The following DACH1 variants were observed in gnomAD, a reference collection of about 807,000 sequenced individuals.
DACH1 encodes the protein dachshund homolog 1.
Under a neutral mutation model 54.2 loss-of-function variants are expected in DACH1, and 12 were observed. The observed-to-expected ratio is 0.22, with a 90% CI of 0.14 to 0.36. DACH1 has a LOEUF of 0.36. Among genes scored for constraint, DACH1 ranks in the 10% least tolerant of loss-of-function variants. The pLI is 1.00. For synonymous variants in DACH1, 386 were observed against 366.2 expected, an observed-to-expected ratio of 1.05 and a Z score of -0.62; for missense variants, 805 against 929.8, an observed-to-expected ratio of 0.87 and a Z score of 1.75.
At chr13:71,834,742 G>T (rs1888717846) in intron 1 of DACH1, among the ~76,000 whole-genome samples, 1 of 151,806 alleles carries the variant, frequency 6.6e-6, no homozygotes. Flanking sequence ...TCAAAAATTG[G>T]GACTTTAATA....
At chr13:71,813,771 T>C (rs1887808744) in intron 1 of DACH1, among the ~76,000 whole-genome samples, 1 of 152,222 alleles carries the variant, frequency 6.6e-6, no homozygotes, top group African/African-American at 2.4e-5. Flanking sequence ...CATTTTTCAA[T>C]AATAATGTAA....
chr13:71,842,898 G>A (rs1872974283), intron 1 of DACH1, among the ~76,000 whole-genome samples: 1 of 152,072 alleles, frequency 6.6e-6, no homozygotes, highest in Admixed American at 6.6e-5. Flanking sequence ...TAGAGCACTG[G>A]CTAACAAGGT....
chr13:71,589,138 C>A (rs906768025), intron 3 of DACH1, among the ~76,000 whole-genome samples: 2 of 151,950 alleles, frequency 1.3e-5, no homozygotes, highest in African/African-American at 2.4e-5. Flanking sequence ...TATCATACTT[C>A]TTCAAGAAAG....
intron 10 of DACH1, among the ~76,000 whole-genome samples, chr13:71,444,322 A>G (rs917566524): frequency 6.6e-6 from 1 of 152,118 alleles, no homozygotes; most frequent in Non-Finnish European, 1.5e-5. Context: ...TAATCCCTTA[A>G]TTTATTTATC....
At position 71,633,404 on chromosome 13, in the gene DACH1, G is replaced by A. The variant is rs1383691144; in HGVS notation, c.965-2687C>T. On this transcript the variant is annotated intron_variant, in intron 2 of 10. Coordinates refer to ENST00000613252, the MANE Select transcript of DACH1 (RefSeq NM_080759.6). ...TCACTATAATTTCTGCAGAGTATCT[G>A]TGGCCTGACACAGCCCTCTCAGCTA... Among the ~76,000 whole-genome samples, 4 of 152,136 alleles carry A rather than the reference G, an allele frequency of 2.6e-5. No individual in the cohort carries two copies. In the East Asian group the frequency reaches 7.7e-4, roughly 29 times the overall value.
chr13:71,542,979 TA>T (rs987494467), intron 6 of DACH1, among the ~76,000 whole-genome samples: 2 of 152,064 alleles, frequency 1.3e-5, no homozygotes. Context: ...CACAGCAAAA[TA>T]AAATACATTC....
intron 6 of DACH1, among the ~76,000 whole-genome samples, chr13:71,546,158 A>T (rs144478740): frequency 6.6e-6 from 1 of 152,216 alleles, no homozygotes; most frequent in Admixed American, 6.6e-5. Flanking sequence ...GCTTGCAATA[A>T]AATTTTTTTA....
At chr13:71,506,795 A>G (rs113092997) in intron 6 of DACH1, among the ~76,000 whole-genome samples, 2,180 of 152,148 alleles carry the variant, frequency 0.014, 58 homozygotes, top group African/African-American at 0.05. Flanking sequence ...GAGAAAAACA[A>G]GCAATGGGGA....
intron 1 of DACH1, among the ~76,000 whole-genome samples, chr13:71,714,959 G>T (rs1180026461): frequency 6.6e-6 from 1 of 151,994 alleles, no homozygotes; most frequent in Admixed American, 6.6e-5. Flanking sequence ...TGACTTAACT[G>T]AGAAAAAAGG....
chr13:71,714,470 A>T (rs1453211054), intron 1 of DACH1, among the ~76,000 whole-genome samples: 1 of 152,140 alleles, frequency 6.6e-6, no homozygotes, highest in African/African-American at 2.4e-5. Context: ...CAACTTGTTC[A>T]TACTTTAACT....
chr13:71,741,388 C>T (rs575962725), intron 1 of DACH1, among the ~76,000 whole-genome samples: 128 of 152,224 alleles, frequency 8.4e-4, no homozygotes, highest in African/African-American at 2.8e-3. Flanking sequence ...GAACTTTGTT[C>T]GTCTTATTGT....
Position 71,732,561 on chromosome 13 carries a change from G to A in DACH1, c.849-50651C>T, listed in dbSNP as rs191417228. On this transcript the variant is annotated intron_variant, in intron 1 of 10. Transcript: ENST00000613252. ...GACCACGCCACTGCACTCCAGCCTC[G>A]GTGACAAGAGTGAGACTATTTCTAA... is the stretch of plus-strand genomic sequence containing the variant. Among the ~76,000 whole-genome samples, 61 of 149,498 alleles carry A rather than the reference G, an allele frequency of 4.1e-4. 1 individual carries two copies. Among genetic ancestry groups the A allele is most frequent in the Admixed American group, 2.9e-3 (44 of 15,052 alleles).
chr13:71,761,329 C>T (rs1885390996), intron 1 of DACH1, among the ~76,000 whole-genome samples: 1 of 152,110 alleles, frequency 6.6e-6, no homozygotes, highest in African/African-American at 2.4e-5. Flanking sequence ...TGTATAATAG[C>T]ACCATTTTGC....
intron 6 of DACH1, among the ~76,000 whole-genome samples, chr13:71,554,351 C>A (rs1343403786): frequency 6.6e-6 from 1 of 151,936 alleles, no homozygotes; most frequent in Non-Finnish European, 1.5e-5. Context: ...TTTCACATTT[C>A]TAGGGAGAAT....
intron 2 of DACH1, among the ~76,000 whole-genome samples, chr13:71,660,912 C>A (rs1879441779): frequency 6.7e-6 from 1 of 149,104 alleles, no homozygotes. Flanking sequence ...ATCAAATGTC[C>A]AATATCTAGT....
intron 1 of DACH1, among the ~76,000 whole-genome samples, chr13:71,770,678 C>T (rs1325904915): frequency 4.0e-5 from 6 of 151,548 alleles, no homozygotes; most frequent in South Asian, 2.1e-4. Context: ...TTTCTCAGAA[C>T]GTCCCCCTAA....
At chr13:71,561,704 A>C (rs889043187) in intron 4 of DACH1, among the ~76,000 whole-genome samples, 21 of 152,104 alleles carry the variant, frequency 1.4e-4, no homozygotes, top group Non-Finnish European at 1.0e-4. Context: ...ACTAGGTCTA[A>C]AATGGGACCC....
intron 6 of DACH1, among the ~76,000 whole-genome samples, chr13:71,490,398 T>C (rs149429129): frequency 2.4e-3 from 361 of 152,288 alleles, no homozygotes; most frequent in African/African-American, 8.3e-3. Context: ...CCTTGCCACA[T>C]TTCTAGTTAA....
At chr13:71,740,105 T>C (rs554502714) in intron 1 of DACH1, among the ~76,000 whole-genome samples, 1 of 152,330 alleles carries the variant, frequency 6.6e-6, no homozygotes, top group South Asian at 2.1e-4. Flanking sequence ...AGACATTGTC[T>C]CGTTAACTAG....
Sources: gnomAD v4.1 joint callset for allele counts (sites outside exome capture counted in the v4.1 genomes callset) on GRCh38, gnomAD v4.1.1 for gene constraint, MANE v1.5 for transcripts, NCBI Gene and HGNC (gene_info 2026-07-23, HGNC 2026-07-21) for gene names.